Variants in SRCAP observed in about 807,000 individuals in gnomAD.
SRCAP encodes Snf2 related CREBBP activator protein, also known as chromatin remodeling protein SRCAP.
In SRCAP, 46 loss-of-function variants were observed where a neutral mutation model predicts 263.1. The observed-to-expected ratio is 0.17, with a 90% CI of 0.14 to 0.22. The LOEUF is 0.22. Among genes scored for constraint, SRCAP ranks in the 10% least tolerant of loss-of-function variants. The pLI is 1.00. For synonymous variants in SRCAP, 1,813 were observed against 1,662.1 expected (o/e 1.09, Z -2.21); for missense variants, 3,695 against 4,181.9 (o/e 0.88, Z 3.21).
intron 18 of SRCAP, among the ~76,000 whole-genome samples, chr16:30,717,211 C>G (rs2052959450): frequency 6.6e-6 from 1 of 152,012 alleles, no homozygotes. Context: ...GTGATGAGTG[C>G]TGTCAAGGAT....
chr16:30,712,525 T>C (rs2052902964), intron 13 of SRCAP, 86 bp downstream of exon 13: 1 of 1,517,806 alleles, frequency 6.6e-7, no homozygotes, highest in Non-Finnish European at 8.9e-7. Flanking sequence ...TCATTGACTT[T>C]TGCTTTATTG....
At position 30,724,309 on chromosome 16, in the gene SRCAP, G is replaced by A. The variant is rs2151294365; in HGVS notation, c.4885G>A (p.Val1629Ile). Residue 1629 changes from valine to isoleucine, a missense_variant, in exon 25 of 34, where the codon GTT becomes ATT. Physicochemically the swap from Val to Ile is conservative, Grantham distance 29 (BLOSUM62 3). This residue lies in a region of SRCAP where 1,347 missense variants were observed against 1,304.4 expected (regional missense o/e 1.03). Coordinates refer to ENST00000262518, the MANE Select transcript of SRCAP (RefSeq NM_006662.3). ...TGTCCTGGCTTCATCACAGACTCCG[G>A]TTCCAGTTATGGCTCCATCGTCTAC... is the stretch of plus-strand genomic sequence containing the variant. ...APVLASSQTP[V>I]PVMAPSSTPG... is the part of the protein sequence containing the mutation. 1.2e-6 allele frequency: 2 copies of A among 1,614,058 alleles called. No individual in the cohort carries two copies. The highest frequency in any genetic ancestry group is 1.7e-5 in the Admixed American group (1 of 59,998).
intron 25 of SRCAP, 127 bp from the exon 26 acceptor site, chr16:30,728,839 A>C: frequency 8.5e-7 from 1 of 1,174,226 alleles, no homozygotes; most frequent in Non-Finnish European, 1.2e-6. Flanking sequence ...TTGGAAAACT[A>C]CAAAAAGCAT....
At chr16:30,719,505 G>A (rs942685485) in intron 18 of SRCAP, among the ~76,000 whole-genome samples, 7 of 151,372 alleles carry the variant, frequency 4.6e-5, no homozygotes, top group Admixed American at 2.6e-4. Context: ...GTGAGCCACC[G>A]CACCCGGCCT....
chr16:30,727,399 A>C (rs886956082), intron 25 of SRCAP, among the ~76,000 whole-genome samples: 3 of 152,330 alleles, frequency 2.0e-5, no homozygotes, highest in South Asian at 2.1e-4. Flanking sequence ...GTTTACAAAT[A>C]GTCTTTTTTT....
intron 3 of SRCAP, among the ~76,000 whole-genome samples, chr16:30,703,167 A>ATG (rs199871007): frequency 6.7e-6 from 1 of 150,256 alleles, no homozygotes; most frequent in Non-Finnish European, 1.5e-5. Flanking sequence ...ATATATATAT[A>ATG]TGTATGTATA....
Position 30,700,688 on chromosome 16 carries a change from C to T in SRCAP, c.-137C>T. 1 of 770,246 alleles carries T rather than the reference C, an allele frequency of 1.3e-6. No homozygotes were observed. Among genetic ancestry groups the T allele is most frequent in the Non-Finnish European group, 2.0e-6 (1 of 489,958 alleles). The allele number at this position is 770,246 out of a possible 1,614,324, so 47.7% of individuals were successfully genotyped here. ...GGGCCCCGGGCCCTGGAAGGCGGGT[C>T]CCGGTGGCCGGTGGCCCAGAATGAG... On this transcript the variant is annotated 5_prime_UTR_variant, in exon 3 of 34. Transcript: ENST00000262518.
In SRCAP at chr16:30,739,999, A is replaced by AT; in HGVS notation, c.*268dup. On this transcript the variant is annotated 3_prime_UTR_variant, in exon 34 of 34. Coordinates refer to ENST00000262518, the MANE Select transcript of SRCAP (RefSeq NM_006662.3). The stretch of plus-strand genomic sequence containing the variant: ...CTCTGTCCCCACCCCCTTGTACTTG[A>AT]TTCCCCAGCTGTCTTTCACACAGCC... 1 of 354,966 alleles carries AT rather than the reference A, an allele frequency of 2.8e-6. No individual in the cohort carries two copies. The highest frequency in any genetic ancestry group is 4.9e-6 in the Non-Finnish European group (1 of 203,966). 22.0% of individuals were successfully genotyped at this position (354,966 alleles called of 1,614,324 possible). A position where few individuals can be genotyped will look rare whatever the true frequency, so the allele number is the denominator to read the frequency against.
intron 25 of SRCAP, among the ~76,000 whole-genome samples, 172 bp from the exon 26 acceptor site, chr16:30,728,794 A>G (rs916868186): frequency 1.3e-5 from 2 of 152,210 alleles, no homozygotes; most frequent in African/African-American, 4.8e-5. Context: ...GTTATTTAAC[A>G]TAACTTCTGA....
chr16:30,734,384 G>T, intron 30 of SRCAP, 112 bp from the exon 31 acceptor site: 1 of 1,481,494 alleles, frequency 6.7e-7, no homozygotes. Flanking sequence ...TCACAGACGT[G>T]CGTCTTCAAC....
intron 4 of SRCAP, 43 bp from the exon 5 acceptor site, chr16:30,707,138 AGT>A (rs67871634): frequency 0.018 from 28,612 of 1,594,952 alleles, 335 homozygotes; most frequent in Non-Finnish European, 0.022. Context: ...AGTGAGATGG[AGT>A]GTGTGTTTAG....
Position 30,735,357 on chromosome 16 carries a change from G to C in SRCAP, c.6729+742G>C, listed in dbSNP as rs1008078473. The stretch of plus-strand genomic sequence containing the variant: ...GAGACAGGGTTTCACCGTTTTAGCC[G>C]GGATGGTCTCGATCTCCTGACCTCG... On this transcript the variant is annotated intron_variant, in intron 31 of 33. Transcript: ENST00000262518. Among the ~76,000 whole-genome samples, 4 of 150,874 alleles carry C rather than the reference G, an allele frequency of 2.7e-5. No homozygotes were observed. In the South Asian group the frequency reaches 8.3e-4, roughly 31 times the overall value.
rs954544168 is a variant in SRCAP, at chr16:30,709,039, G to A, written c.634-474G>A. Reference sequence around the variant, plus strand: ...TCACCATGTCGGTCAGGCTGGTCTCGAACTCCTGACCTCACGTGATCCTCC... The same window carrying A: ...TCACCATGTCGGTCAGGCTGGTCTCAAACTCCTGACCTCACGTGATCCTCC... On this transcript the variant is annotated intron_variant, in intron 6 of 33. Coordinates refer to ENST00000262518, the MANE Select transcript of SRCAP (RefSeq NM_006662.3). 2.0e-5 allele frequency among the ~76,000 whole-genome samples: 3 copies of A among 152,042 alleles called. No individual in the cohort carries two copies. In the East Asian group the frequency reaches 5.8e-4, roughly 29 times the overall value.
intron 3 of SRCAP, among the ~76,000 whole-genome samples, chr16:30,703,566 A>G (rs926762794): frequency 1.3e-5 from 2 of 151,926 alleles, no homozygotes; most frequent in East Asian, 1.9e-4. Context: ...TCAAGCATCT[A>G]TAAACTTGGC....
intron 18 of SRCAP, among the ~76,000 whole-genome samples, chr16:30,717,181 T>C (rs2052959068): frequency 6.6e-6 from 1 of 152,206 alleles, no homozygotes; most frequent in African/African-American, 2.4e-5. Flanking sequence ...GGTTTTGGTT[T>C]GCATTTCCTT....
Position 30,723,919 on chromosome 16 carries a change from T to G in SRCAP, c.4495T>G (p.Ser1499Ala), listed in dbSNP as rs1236635754. 1 of 1,613,928 alleles carries G rather than the reference T, an allele frequency of 6.2e-7. No individual in the cohort carries two copies. Among genetic ancestry groups the G allele is most frequent in the Non-Finnish European group, 8.5e-7 (1 of 1,180,016 alleles). ...GPPSLAPSGA[S>A]PSASALTLGL... is the part of the protein sequence containing the mutation. ...TCCCTCCTTGGCACCATCTGGTGCT[T>G]CCCCGTCAGCATCAGCCTTGACTCT... is the stretch of plus-strand genomic sequence containing the variant. The change falls in exon 25 of 34, where the codon TCC becomes GCC. Residue 1499 changes from serine to alanine, a missense_variant. Transcript: ENST00000262518.
rs1189035263 is a variant in SRCAP, at chr16:30,740,442, G to C, written c.*709G>C. 1 of 152,280 alleles carries C rather than the reference G, an allele frequency of 6.6e-6. No individual in the cohort carries two copies. The highest frequency in any genetic ancestry group is 1.5e-5 in the Non-Finnish European group (1 of 68,112). The allele number at this position is 152,280 out of a possible 1,614,324, so 9.4% of individuals were successfully genotyped here. On this transcript the variant is annotated 3_prime_UTR_variant, in exon 34 of 34. Coordinates refer to ENST00000262518, the MANE Select transcript of SRCAP (RefSeq NM_006662.3). ...TCCCTTTTATCCCTCTTGCTCAGGT[G>C]CTTCCTTTCACAACTTTTTCCAGAG...
intron 19 of SRCAP, 50 bp downstream of exon 19, chr16:30,720,381 A>G: frequency 6.3e-7 from 1 of 1,582,058 alleles, no homozygotes; most frequent in African/African-American, 1.3e-5. Flanking sequence ...AGTGGCTGAA[A>G]GCTGCCCAGA....
At chr16:30,717,236 A>G (rs1297623124) in intron 18 of SRCAP, among the ~76,000 whole-genome samples, 1 of 151,976 alleles carries the variant, frequency 6.6e-6, no homozygotes, top group East Asian at 1.9e-4. Flanking sequence ...TCATGTGCTC[A>G]TTGGCCACTT....
Sources: allele counts gnomAD v4.1 joint callset (sites outside exome capture counted in the v4.1 genomes callset), GRCh38; gene constraint gnomAD v4.1.1; regional missense constraint gnomAD v4.1.1; transcripts MANE v1.5; gene names NCBI Gene and HGNC (gene_info 2026-07-23, HGNC 2026-07-21).